Variants in NBPF20 observed in about 807,000 individuals in gnomAD.
NBPF20 encodes NBPF family member NBPF20.
In NBPF20, 90 loss-of-function variants were observed where a neutral mutation model predicts 68.1. The ratio of observed to expected loss-of-function variants is 1.32; its 90% CI spans 1.11 to 1.58. The LOEUF (loss-of-function observed/expected upper bound fraction) is 1.58, where lower values mean the gene tolerates loss of function less well. NBPF20 is among the 40% of genes most tolerant of loss of function. The pLI, the probability that NBPF20 is intolerant of heterozygous loss-of-function variation, is 0.00. For synonymous variants in NBPF20, 290 were observed against 228.1 expected, an observed-to-expected ratio of 1.27 and a Z score of -2.45; for missense variants, 816 against 601.2, an observed-to-expected ratio of 1.36 and a Z score of -3.74.
chr1:145,405,015 A>G, intron 2 of NBPF20, 83 bp downstream of exon 7: 2 of 1,588,774 alleles, frequency 1.3e-6, no homozygotes, highest in Non-Finnish European at 1.7e-6. Flanking sequence ...GGATGAAATT[A>G]TTTTTGATGG....
At chr1:145,291,611 G>T in exon 138 of NBPF20, 1 of 1,611,950 alleles carries the variant, frequency 6.2e-7, no homozygotes, top group Non-Finnish European at 8.5e-7. Flanking sequence ...CACGTAAAGG[G>T]CGAAGCTGAT....
At chr1:145,397,574 C>A (rs1662317200) in intron 7 of NBPF20, among the ~76,000 whole-genome samples, 1 of 152,096 alleles carries the variant, frequency 6.6e-6, no homozygotes, top group South Asian at 2.1e-4. Context: ...TACAAGAGCT[C>A]CTAAAGGAAG....
At chr1:145,399,961 G>A (rs1310048878) in intron 6 of NBPF20, among the ~76,000 whole-genome samples, 2 of 152,060 alleles carry the variant, frequency 1.3e-5, no homozygotes, top group African/African-American at 4.8e-5. Flanking sequence ...ACTTAAAGGA[G>A]ATCCAGATGA....
chr1:145,394,289 A>T (rs1446603824), intron 8 of NBPF20, among the ~76,000 whole-genome samples: 1 of 151,578 alleles, frequency 6.6e-6, no homozygotes, highest in Non-Finnish European at 1.5e-5. Context: ...TCAAATACCC[A>T]GAATTTGATA....
At chr1:145,407,563 T>C (rs1185126491), upstream of NBPF20, among the ~76,000 whole-genome samples, 1 of 147,074 alleles carries the variant, frequency 6.8e-6, no homozygotes, top group African/African-American at 2.5e-5. Flanking sequence ...TAATATACTA[T>C]ATATAACACG....
rs1160248062 is a variant in NBPF20 at position 145,292,191 on chromosome 1, C to G, written c.16697+190G>C. ...TTTGAAGTATGGTCAACCTATGGCA[C>G]GTTAGTAAAAGATAAGGGGAGGAAG... On this transcript the variant is annotated intron_variant, in intron 137 of 137. Transcript: ENST00000369373. Among the ~76,000 whole-genome samples the G allele has an allele frequency of 8.7e-5, 13 of 149,704 alleles. No individual in the cohort carries two copies. In the South Asian group the frequency reaches 2.1e-3, roughly 24 times the overall value.
upstream of NBPF20, among the ~76,000 whole-genome samples, chr1:145,409,848 G>A (rs1662937324): frequency 1.3e-5 from 2 of 151,572 alleles, no homozygotes; most frequent in South Asian, 4.2e-4. Flanking sequence ...CATTAGCTCA[G>A]GAAAACTTTC....
At position 145,292,113 on chromosome 1, in the gene NBPF20, G is replaced by C. The variant is rs587751895; in HGVS notation, c.16697+268C>G. ...GATCATGAAAAGAGTGAGCTCAATAGTTTTCCATAAAATATGCTCAAAATT... is the reference window on the plus strand; with the variant it reads ...GATCATGAAAAGAGTGAGCTCAATACTTTTCCATAAAATATGCTCAAAATT... On this transcript the variant is annotated intron_variant, in intron 137 of 137. Coordinates refer to ENST00000369373, the Ensembl canonical transcript of NBPF20. Among the ~76,000 whole-genome samples the C allele has an allele frequency of 1.1e-4, 16 of 149,726 alleles. 1 individual carries two copies. Among genetic ancestry groups the C allele is most frequent in the African/African-American group, 4.1e-4 (16 of 39,142 alleles).
At chr1:145,309,483 C>G (rs1480862334) in intron 115 of NBPF20, among the ~76,000 whole-genome samples, 5 of 75,526 alleles carry the variant, frequency 6.6e-5, no homozygotes, top group Non-Finnish European at 1.3e-4. Flanking sequence ...CACACACAGA[C>G]ACACACACAC....
In NBPF20 at chr1:145,352,345, A is replaced by G. The variant is rs1332544374; in HGVS notation, c.7350-256T>C. ...CACACACACAGACACACACACACAC[A>G]CAGAGAGAACGAGCTCAGTGAATTG... On this transcript the variant is annotated intron_variant, in intron 61 of 137. Transcript: ENST00000369373. Among the ~76,000 whole-genome samples the G allele has an allele frequency of 3.3e-4, 28 of 84,548 alleles. 1 individual carries two copies. Among genetic ancestry groups the G allele is most frequent in the African/African-American group, 1.1e-3 (24 of 22,386 alleles). The allele number at this position is 84,548 out of a possible 152,430, so 55.5% of individuals were successfully genotyped here.
chr1:145,399,741 C>T (rs1292697225), intron 6 of NBPF20, among the ~76,000 whole-genome samples: 1 of 131,048 alleles, frequency 7.6e-6, no homozygotes, highest in Non-Finnish European at 1.6e-5. Context: ...GGTGCCACTG[C>T]ACTCCAGCCT....
rs1661973032 is a variant in NBPF20 at position 145,392,794 on chromosome 1, A to C, written c.1216+280T>G. 5.3e-5 allele frequency among the ~76,000 whole-genome samples: 5 copies of C among 93,638 alleles called. 2 individuals carry two copies. In the South Asian group the frequency reaches 1.7e-3, roughly 31 times the overall value. 61.4% of individuals were successfully genotyped at this position (93,638 alleles called of 152,430 possible). A position where few individuals can be genotyped will look rare whatever the true frequency, so the allele number is the denominator to read the frequency against. On this transcript the variant is annotated intron_variant, in intron 10 of 137. Coordinates refer to ENST00000369373, the Ensembl canonical transcript of NBPF20. The stretch of plus-strand genomic sequence containing the variant: ...ATCTACAAAATTGAGACAAAATCAG[A>C]GTTGTGTGAATTTGTCACATCTGCC...
At chr1:145,292,101 G>C (rs1370814099) in intron 137 of NBPF20, among the ~76,000 whole-genome samples, 2 of 149,560 alleles carry the variant, frequency 1.3e-5, no homozygotes, top group African/African-American at 2.6e-5. Context: ...CATGAAAAGA[G>C]TGAGCTCAAT....
chr1:145,400,924 G>C, intron 5 of NBPF20, 135 bp downstream of exon 10: 2 of 1,116,228 alleles, frequency 1.8e-6, no homozygotes, highest in South Asian at 1.2e-5. Context: ...CTGTGTCTAA[G>C]CTGGGTTATA....
intron 119 of NBPF20, among the ~76,000 whole-genome samples, chr1:145,306,316 C>CAG (rs1265791527): frequency 3.4e-5 from 5 of 147,982 alleles, no homozygotes; most frequent in African/African-American, 7.4e-5. Context: ...CACACACACA[C>CAG]AGAGAGAGAG....
chr1:145,393,494 G>T (rs61810767), intron 9 of NBPF20, among the ~76,000 whole-genome samples: 1 of 138,458 alleles, frequency 7.2e-6, no homozygotes. Context: ...CACACACAGA[G>T]CGAGCTCAGT....
intron 2 of NBPF20, among the ~76,000 whole-genome samples, 195 bp downstream of exon 7, chr1:145,404,903 T>C (rs782527129): frequency 8.6e-5 from 13 of 151,388 alleles, no homozygotes; most frequent in Middle Eastern, 3.2e-3. Context: ...CCCACCCCCA[T>C]CTGATTGCAA....
chr1:145,393,392 T>C (rs2101529806), intron 9 of NBPF20, 146 bp from the exon 15 acceptor site: 2 of 716,216 alleles, frequency 2.8e-6, no homozygotes, highest in East Asian at 5.3e-5. Flanking sequence ...TGCCTTTATG[T>C]TGGGATAGAC....
chr1:145,410,799 T>TAC, the NBPF20 span, among the ~76,000 whole-genome samples: 2,747 of 81,352 alleles, frequency 0.034, 121 homozygotes, highest in African/African-American at 0.12. Context: ...TATATATACG[T>TAC]ATATGTATAT....
Sources: allele counts gnomAD v4.1 joint callset (sites outside exome capture counted in the v4.1 genomes callset), GRCh38; gene constraint gnomAD v4.1.1; transcripts MANE v1.5; gene names NCBI Gene and HGNC (gene_info 2026-07-23, HGNC 2026-07-21).